The following CPAP variants were observed in gnomAD, a reference collection of about 807,000 sequenced individuals.
CPAP encodes the protein centrosomal P4.1-associated protein.
the CPAP span, chr13:24,882,376 G>GTCTA: frequency 6.6e-6 from 1 of 151,920 alleles, no homozygotes; most frequent in African/African-American, 2.4e-5. Context: ...GACAGGTAAG[G>GTCTA]TCTATCTAGA....
chr13:24,906,139 A>G, the CPAP span: 43 of 1,613,506 alleles, frequency 2.7e-5, no homozygotes, highest in Non-Finnish European at 3.6e-5. Flanking sequence ...TGCGGTTACA[A>G]TGACTAATGG....
At chr13:24,882,626 CATG>C in the CPAP span, 10 of 154,016 alleles carry the variant, frequency 6.5e-5, no homozygotes, top group African/African-American at 2.2e-4. Context: ...TTCTCTTCAC[CATG>C]ATTACTACCT....
chr13:24,908,726 G>C, the CPAP span, among the ~76,000 whole-genome samples: 7 of 152,124 alleles, frequency 4.6e-5, no homozygotes, highest in Non-Finnish European at 8.8e-5. Flanking sequence ...ACATGAACTT[G>C]ACTGGATATG....
chr13:24,919,669 C>G, the CPAP span, among the ~76,000 whole-genome samples: 577 of 152,242 alleles, frequency 3.8e-3, 2 homozygotes, highest in African/African-American at 0.013. Flanking sequence ...ATTCTCCCAC[C>G]TTGGCTTCCC....
the CPAP span, chr13:24,912,626 T>G: frequency 6.2e-7 from 1 of 1,613,786 alleles, no homozygotes; most frequent in Non-Finnish European, 8.5e-7. Flanking sequence ...GCCCCTTCTT[T>G]GAATTCACTC....
chr13:24,893,466 G>GT, the CPAP span, among the ~76,000 whole-genome samples: 2 of 152,262 alleles, frequency 1.3e-5, no homozygotes, highest in African/African-American at 4.8e-5. Flanking sequence ...AAGCCCATCA[G>GT]TGGTGAGGCA....
chr13:24,886,960 C>T, the CPAP span, among the ~76,000 whole-genome samples: 1 of 152,150 alleles, frequency 6.6e-6, no homozygotes, highest in Non-Finnish European at 1.5e-5. Context: ...TGACCGTGGG[C>T]ATAGACAGGC....
At chr13:24,914,698 C>G in the CPAP span, among the ~76,000 whole-genome samples, 1 of 152,136 alleles carries the variant, frequency 6.6e-6, no homozygotes, top group Non-Finnish European at 1.5e-5. Context: ...ATTGCTTGAG[C>G]CCAGGAGGTC....
At chr13:24,884,746 CTGT>C in the CPAP span, among the ~76,000 whole-genome samples, 1 of 152,178 alleles carries the variant, frequency 6.6e-6, no homozygotes, top group Non-Finnish European at 1.5e-5. Context: ...ACTGCTTTGC[CTGT>C]TGTTCTTTGT....
At chr13:24,891,592 A>G in the CPAP span, among the ~76,000 whole-genome samples, 1 of 149,926 alleles carries the variant, frequency 6.7e-6, no homozygotes, top group East Asian at 2.0e-4. Flanking sequence ...TCAACAACAA[A>G]CACAGTCTGC....
the CPAP span, among the ~76,000 whole-genome samples, chr13:24,885,116 T>C: frequency 3.3e-5 from 5 of 152,242 alleles, no homozygotes; most frequent in Admixed American, 6.5e-5. Flanking sequence ...ACAAAGATCA[T>C]ACAGAGATTG....
At chr13:24,908,773 T>A in the CPAP span, among the ~76,000 whole-genome samples, 2 of 152,128 alleles carry the variant, frequency 1.3e-5, no homozygotes, top group Non-Finnish European at 2.9e-5. Flanking sequence ...AAAAAGCACC[T>A]TTAAAAGATA....
chr13:24,904,039 C>T, the CPAP span: 1 of 1,613,924 alleles, frequency 6.2e-7, no homozygotes, highest in Non-Finnish European at 8.5e-7. Context: ...CTCTCAAAAC[C>T]TGGGATCGAG....
the CPAP span, chr13:24,903,971 A>G: frequency 1.2e-6 from 2 of 1,613,998 alleles, no homozygotes; most frequent in South Asian, 1.1e-5. Flanking sequence ...AAGTTTAGCT[A>G]AAGATGCGTT....
the CPAP span, chr13:24,907,258 T>A: frequency 7.5e-7 from 1 of 1,339,280 alleles, no homozygotes; most frequent in Non-Finnish European, 1.1e-6. Context: ...ACACTTAGTG[T>A]GCCTGGTATA....
At chr13:24,902,321 C>T in the CPAP span, among the ~76,000 whole-genome samples, 2 of 152,060 alleles carry the variant, frequency 1.3e-5, no homozygotes, top group Non-Finnish European at 2.9e-5. Flanking sequence ...AAAAAGATGT[C>T]CGTTTTGAAA....
the CPAP span, chr13:24,906,129 T>C: frequency 1.9e-6 from 3 of 1,613,306 alleles, no homozygotes; most frequent in African/African-American, 1.3e-5. Flanking sequence ...AAATCCTCAC[T>C]GCGGTTACAA....
the CPAP span, chr13:24,886,128 A>G: frequency 2.4e-6 from 1 of 413,420 alleles, no homozygotes; most frequent in Non-Finnish European, 4.8e-6. Flanking sequence ...TACAAAATAA[A>G]CACGCCCCCA....
chr13:24,883,968 T>C, the CPAP span: 3 of 1,614,158 alleles, frequency 1.9e-6, no homozygotes, highest in Non-Finnish European at 1.7e-6. Context: ...CATACCGTTG[T>C]ACTCTGACAA....
Sources: allele counts gnomAD v4.1 joint callset (sites outside exome capture counted in the v4.1 genomes callset), GRCh38; gene constraint gnomAD v4.1.1; transcripts MANE v1.5; gene names NCBI Gene and HGNC (gene_info 2026-07-23, HGNC 2026-07-21).